TMEM156: variants seen among roughly 807,000 people sequenced by gnomAD.
TMEM156 encodes the protein transmembrane protein 156.
A neutral mutation model predicts 30.5 loss-of-function variants in TMEM156; 28 were observed. That is an observed-to-expected ratio of 0.92 (90% CI 0.68 to 1.26). TMEM156 has a LOEUF of 1.26. Ranked by LOEUF, TMEM156 falls within the 50% of genes most tolerant of loss-of-function variation. The pLI is 0.00. For synonymous variants in TMEM156, 137 were observed against 119.9 expected (o/e 1.14, Z -0.93); for missense variants, 351 against 340.6 (o/e 1.03, Z -0.24).
At chr4:38,980,462 T>C (rs1333787659) in intron 5 of TMEM156, among the ~76,000 whole-genome samples, 1 of 152,210 alleles carries the variant, frequency 6.6e-6, no homozygotes, top group Non-Finnish European at 1.5e-5. Flanking sequence ...ATTTATTGGG[T>C]ACCTATGACA....
At chr4:39,025,883 T>C (rs1213091373) in intron 1 of TMEM156, among the ~76,000 whole-genome samples, 1 of 152,218 alleles carries the variant, frequency 6.6e-6, no homozygotes, top group Non-Finnish European at 1.5e-5. Flanking sequence ...AGGATAACAC[T>C]TGGCCTGCCT....
intron 1 of TMEM156, among the ~76,000 whole-genome samples, chr4:39,030,370 A>G (rs1715443319): frequency 6.6e-6 from 1 of 152,158 alleles, no homozygotes; most frequent in Non-Finnish European, 1.5e-5. Context: ...TATTGACAAG[A>G]TGAAGAAGAA....
At chr4:38,969,542 T>C (rs557392292) in intron 6 of TMEM156, among the ~76,000 whole-genome samples, 103 of 152,314 alleles carry the variant, frequency 6.8e-4, no homozygotes, top group Middle Eastern at 3.4e-3. Context: ...AACATGTGAG[T>C]ATAGGTATCC....
intron 1 of TMEM156, among the ~76,000 whole-genome samples, chr4:39,027,651 G>A (rs1188551552): frequency 2.7e-5 from 4 of 149,338 alleles, no homozygotes; most frequent in Non-Finnish European, 1.5e-5. Flanking sequence ...TGCCTCCCAG[G>A]CTCAAGCGAT....
At chr4:39,008,392 G>A (rs563610114) in intron 1 of TMEM156, among the ~76,000 whole-genome samples, 1 of 152,058 alleles carries the variant, frequency 6.6e-6, no homozygotes, top group African/African-American at 2.4e-5. Flanking sequence ...TTTCTTCTTT[G>A]ATCTGTTAAT....
intron 5 of TMEM156, among the ~76,000 whole-genome samples, chr4:38,980,425 A>G (rs1332862629): frequency 6.6e-6 from 1 of 152,204 alleles, no homozygotes; most frequent in South Asian, 2.1e-4. Context: ...AACGCAGTCA[A>G]TGTAGAGTTG....
intron 5 of TMEM156, among the ~76,000 whole-genome samples, chr4:38,981,986 G>A (rs1385573088): frequency 2.0e-5 from 3 of 152,190 alleles, no homozygotes. Context: ...ATTGAAGGAT[G>A]CGAAGTATTG....
intron 1 of TMEM156, among the ~76,000 whole-genome samples, chr4:39,005,812 A>C (rs907543769): frequency 2.6e-5 from 4 of 152,218 alleles, no homozygotes; most frequent in African/African-American, 9.6e-5. Flanking sequence ...CTGGGTATTT[A>C]GTGTTTCTTC....
At chr4:39,016,031 C>T (rs1016445795) in intron 1 of TMEM156, among the ~76,000 whole-genome samples, 4 of 152,146 alleles carry the variant, frequency 2.6e-5, no homozygotes, top group African/African-American at 4.8e-5. Flanking sequence ...TGGACTAATA[C>T]ATTAACATAT....
intron 5 of TMEM156, among the ~76,000 whole-genome samples, chr4:38,980,299 T>A (rs1723115338): frequency 6.6e-6 from 1 of 152,096 alleles, no homozygotes; most frequent in Non-Finnish European, 1.5e-5. Context: ...AGGATAAAAC[T>A]GATGAAGTGT....
chr4:38,984,036 G>C (rs992276302), intron 5 of TMEM156, among the ~76,000 whole-genome samples: 5 of 152,214 alleles, frequency 3.3e-5, no homozygotes, highest in African/African-American at 1.2e-4. Flanking sequence ...ATAGTTAAAT[G>C]AATAAGATGG....
chr4:39,015,325 T>A (rs1307756095), intron 1 of TMEM156, among the ~76,000 whole-genome samples: 2 of 152,186 alleles, frequency 1.3e-5, no homozygotes, highest in Non-Finnish European at 2.9e-5. Flanking sequence ...GATCTTAAAA[T>A]GAAGAAATTA....
chr4:38,997,308 T>C (rs1464408266), intron 2 of TMEM156, among the ~76,000 whole-genome samples: 1 of 152,196 alleles, frequency 6.6e-6, no homozygotes, highest in Non-Finnish European at 1.5e-5. Context: ...GGTTGGAACA[T>C]TACCTACTGG....
At chr4:38,968,088 C>A (rs186531538) in intron 6 of TMEM156, among the ~76,000 whole-genome samples, 82 of 152,300 alleles carry the variant, frequency 5.4e-4, no homozygotes, top group African/African-American at 1.9e-3. Context: ...CGCCATGACA[C>A]CCCCCATTAT....
At chr4:38,990,835 T>TTTTTTTTTTTTTTTTTTTG (rs1712386678) in intron 3 of TMEM156, among the ~76,000 whole-genome samples, 1 of 126,242 alleles carries the variant, frequency 7.9e-6, no homozygotes, top group Non-Finnish European at 1.7e-5. Flanking sequence ...TTCTGGTTTT[T>TTTTTTTTTTTTTTTTTTTG]TTTTTTTTTT....
Position 39,024,334 on chromosome 4 carries a change from C to A in TMEM156, c.88+7892G>T, listed in dbSNP as rs61365919. ...ACAGGCATGAGCCACCATGCCCAGC[C>A]GAGCCAGAGGAATCTTTACTGGGGA... On this transcript the variant is annotated intron_variant, in intron 1 of 6. Coordinates refer to ENST00000381938, the MANE Select transcript of TMEM156 (RefSeq NM_024943.3). 3.0e-3 allele frequency among the ~76,000 whole-genome samples: 452 copies of A among 151,356 alleles called. 4 individuals are homozygous for A. The highest frequency in any genetic ancestry group is 0.011 in the African/African-American group (435 of 41,242).
At chr4:39,010,029 T>C (rs1382179691) in intron 1 of TMEM156, among the ~76,000 whole-genome samples, 3 of 152,198 alleles carry the variant, frequency 2.0e-5, no homozygotes, top group African/African-American at 7.2e-5. Flanking sequence ...CTAGATCTAA[T>C]GACTTGAGCA....
chr4:38,972,808 G>A (rs1722670544), intron 5 of TMEM156, among the ~76,000 whole-genome samples: 1 of 152,042 alleles, frequency 6.6e-6, no homozygotes, highest in African/African-American at 2.4e-5. Flanking sequence ...ATTATTAGAA[G>A]CTCCTTATTT....
At chr4:38,978,523 C>G (rs764574891) in intron 5 of TMEM156, among the ~76,000 whole-genome samples, 1 of 152,166 alleles carries the variant, frequency 6.6e-6, no homozygotes, top group Non-Finnish European at 1.5e-5. Flanking sequence ...CCTCATTTCG[C>G]TCAGCAACAG....
Sources: gnomAD v4.1 joint callset for allele counts (sites outside exome capture counted in the v4.1 genomes callset) on GRCh38, gnomAD v4.1.1 for gene constraint, MANE v1.5 for transcripts, NCBI Gene and HGNC (gene_info 2026-07-23, HGNC 2026-07-21) for gene names.